PEX6: variants seen among roughly 807,000 people sequenced by gnomAD.
PEX6 encodes peroxisome biogenesis factor 6.
A neutral mutation model predicts 85.6 loss-of-function variants in PEX6; 55 were observed. That is an observed-to-expected ratio of 0.64 (90% confidence interval 0.52 to 0.80). PEX6 has a LOEUF of 0.80. Among genes scored for constraint, PEX6 ranks in the 30% least tolerant of loss-of-function variants. PEX6 has a pLI of 0.00. For synonymous variants in PEX6, 519 were observed against 549.1 expected, an observed-to-expected ratio of 0.95 and a Z score of 0.77; for missense variants, 1,099 against 1,260.3, an observed-to-expected ratio of 0.87 and a Z score of 1.94.
intron 6 of PEX6, 89 bp downstream of exon 6, chr6:42,968,785 G>A (rs1769943647): frequency 2.0e-6 from 2 of 992,886 alleles, no homozygotes; most frequent in Non-Finnish European, 3.2e-6. Flanking sequence ...TGAGTAGACA[G>A]AGGAGGGAGG....
At position 42,966,050 on chromosome 6, in the gene PEX6, G is replaced by A. The variant is rs267608239; in HGVS notation, c.2356C>T (p.Arg786Trp). The A allele has an allele frequency of 8.7e-6, 14 of 1,613,890 alleles. No individual in the cohort carries two copies. Among genetic ancestry groups the A allele is most frequent in the Non-Finnish European group, 1.2e-5 (14 of 1,179,998 alleles). ...MYVGQSEENV[R>W]EVFARARAAA... ...CCCCTCCCTGCTCACTCACCTTCCC[G>A]CACATTCTCCTCACTTTGGCCCACA... Residue 786 changes from arginine to tryptophan, a missense_variant, in exon 12 of 17, where the codon CGG becomes TGG. Physicochemically the swap from Arg to Trp is moderately radical, Grantham distance 101. Around this residue, in one of 3 missense-constraint regions of PEX6, gnomAD observed 514 missense variants for 627.0 expected, o/e 0.82. Transcript: ENST00000304611.
chr6:42,969,923 C>A lies in PEX6; in HGVS notation c.1195G>T (p.Ala399Ser). ...VGEAPDGPAS[A>S]YLADTTHTSL... ...GTATGGGTGGTGTCGGCCAAGTAGG[C>A]ACTGGCTGGTCCATCTGGAGCTTCC... Residue 399 changes from alanine to serine, a missense_variant, in exon 4 of 17, where the codon GCC becomes TCC. Ala to Ser is a moderately conservative substitution (Grantham distance 99). Coordinates refer to ENST00000304611, the MANE Select transcript of PEX6 (RefSeq NM_000287.4). 3 of 1,614,242 alleles carry A rather than the reference C, an allele frequency of 1.9e-6. No individual in the cohort carries two copies. Among genetic ancestry groups the A allele is most frequent in the Non-Finnish European group, 2.5e-6 (3 of 1,180,042 alleles).
Position 42,969,904 on chromosome 6 carries a change from G to A in PEX6, c.1214C>T (p.Thr405Ile). ...CCTCACCATGTACAAGGAGGTATGG[G>A]TGGTGTCGGCCAAGTAGGCACTGGC... ...GPASAYLADT[T>I]HTSLYMVGST... is the part of the protein sequence containing the mutation. Residue 405 changes from threonine to isoleucine, a missense_variant, in exon 4 of 17, where the codon ACC becomes ATC. Around this residue, in one of 3 missense-constraint regions of PEX6, gnomAD observed 579 missense variants for 611.6 expected, o/e 0.95. Transcript: ENST00000304611. The A allele has an allele frequency of 6.2e-7, 1 of 1,614,198 alleles. No individual in the cohort carries two copies. The highest frequency in any genetic ancestry group is 8.5e-7 in the Non-Finnish European group (1 of 1,180,024).
At chr6:42,973,716 C>A (rs111732099) in intron 3 of PEX6, among the ~76,000 whole-genome samples, 1 of 152,028 alleles carries the variant, frequency 6.6e-6, no homozygotes, top group Non-Finnish European at 1.5e-5. Context: ...AATAGCTGGG[C>A]GTGGTGATGC....
At position 42,974,996 on chromosome 6, in the gene PEX6, A is replaced by C. The variant is rs769009706; in HGVS notation, c.925T>G (p.Cys309Gly). 79 of 1,613,618 alleles carry C rather than the reference A, an allele frequency of 4.9e-5. No individual in the cohort carries two copies. The highest frequency in any genetic ancestry group is 6.6e-5 in the Non-Finnish European group (78 of 1,179,886). Residue 309 changes from cysteine to glycine, a missense_variant, in exon 2 of 17, where the codon TGC becomes GGC. This residue lies in a region of PEX6 where 579 missense variants were observed against 611.6 expected (regional missense o/e 0.95). Transcript: ENST00000304611. ...GSIAPEDKGSCSLLPGPPFAR... is the reference protein window; with the variant it reads ...GSIAPEDKGSGSLLPGPPFAR... The stretch of plus-strand genomic sequence containing the variant: ...AATGGAGGCCCAGGCAGCAATGAGC[A>C]GCTTCCTTTGTCTTCAGGGGCGATG...
intron 1 of PEX6, among the ~76,000 whole-genome samples, chr6:42,976,557 T>C (rs1027552678): frequency 1.3e-5 from 2 of 152,072 alleles, no homozygotes; most frequent in African/African-American, 4.8e-5. Flanking sequence ...GAGATGAGGT[T>C]TCACCATGTA....
chr6:42,968,301 G>T lies in PEX6; in HGVS notation c.1677C>A (p.Asp559Glu), dbSNP rs61732159. The T allele has an allele frequency of 1.8e-4, 286 of 1,613,308 alleles. 3 individuals are homozygous for T. In the African/African-American group the frequency reaches 3.6e-3, roughly 20 times the overall value. The change falls in exon 7 of 17, where the codon GAC becomes GAA. Residue 559 changes from aspartate to glutamate, a missense_variant. Physicochemically the swap from Asp to Glu is conservative, Grantham distance 45. Around this residue, in one of 3 missense-constraint regions of PEX6, gnomAD observed 514 missense variants for 627.0 expected, o/e 0.82. Coordinates refer to ENST00000304611, the MANE Select transcript of PEX6 (RefSeq NM_000287.4). The stretch of plus-strand genomic sequence containing the variant: ...CTCTGTATAAGTACCTGTTGAGGGG[G>T]TCCTCATTGAGGAGGAGGTGACGCA... The part of the protein sequence containing the change: ...AVLRHLLLNE[D>E]PLNSCPPLMV...
chr6:42,978,539 T>G lies in PEX6; in HGVS notation c.612A>C (p.Ser204=), dbSNP rs886043877. ...GGAGACAGCTCCGGCTCACCCCTAG[T>G]GAATCTCCAGTCCCTCCCAGAACTC... ...LQGVLGGTGD[S]LGVSRSCLRG... Residue 204 remains serine (S), a synonymous_variant, in exon 1 of 17, where the codon TCA becomes TCC. Transcript: ENST00000304611. 3.7e-6 allele frequency: 6 copies of G among 1,613,754 alleles called. No individual in the cohort carries two copies. The highest frequency in any genetic ancestry group is 3.4e-6 in the Non-Finnish European group (4 of 1,179,970).
rs1255968713 is a variant in PEX6, at chr6:42,965,204, GA to G, written c.2588+47del. 1 of 1,608,054 alleles carries G rather than the reference GA, an allele frequency of 6.2e-7. No homozygotes were observed. Among genetic ancestry groups the G allele is most frequent in the South Asian group, 1.1e-5 (1 of 90,952 alleles). ...TTCAGGGAGCCCAGCCATGAGGGGTGAAGGAGGCACAAAATGAGGGTGGAGA... is the reference window on the plus strand; with the variant it reads ...TTCAGGGAGCCCAGCCATGAGGGGTGAGGAGGCACAAAATGAGGGTGGAGA... On this transcript the variant is annotated intron_variant, in intron 14 of 16. Coordinates refer to ENST00000304611, the MANE Select transcript of PEX6 (RefSeq NM_000287.4). This position sits in a 1 kb window ranked among gnomAD's most constrained non-coding sequence, Gnocchi z 5.0.
chr6:42,972,973 A>G (rs1323009090), intron 3 of PEX6, among the ~76,000 whole-genome samples: 1 of 152,144 alleles, frequency 6.6e-6, no homozygotes, highest in Non-Finnish European at 1.5e-5. Flanking sequence ...GGTCTAGGCC[A>G]TTAAACTCTT....
chr6:42,975,160 AG>A (rs1770235813), intron 1 of PEX6, 122 bp from the exon 2 acceptor site: 3 of 869,538 alleles, frequency 3.5e-6, no homozygotes, highest in Non-Finnish European at 5.8e-6. Flanking sequence ...GGCTTGTGGA[AG>A]GTGGGGCCTG....
At position 42,964,103 on chromosome 6, in the gene PEX6, T is replaced by G. The variant is rs1440464195; in HGVS notation, c.*232A>C. ...GGCCCTGGCCCTCTTCCTGAGTAGATGGGCCTTTCTCTTAGAGCCGGCCTG... is the reference window on the plus strand; with the variant it reads ...GGCCCTGGCCCTCTTCCTGAGTAGAGGGGCCTTTCTCTTAGAGCCGGCCTG... On this transcript the variant is annotated 3_prime_UTR_variant, in exon 17 of 17. Transcript: ENST00000304611. The surrounding 1 kb of genome is among the most constrained non-coding windows in gnomAD (Gnocchi z 4.6). The G allele has an allele frequency of 1.7e-6, 1 of 597,538 alleles. No individual in the cohort carries two copies. Among genetic ancestry groups the G allele is most frequent in the Non-Finnish European group, 3.0e-6 (1 of 336,606 alleles). The allele number at this position is 597,538 out of a possible 1,614,324, so 37.0% of individuals were successfully genotyped here.
Position 42,978,607 on chromosome 6 carries a change from C to G in PEX6, c.544G>C (p.Val182Leu), listed in dbSNP as rs1280806460. The G allele has an allele frequency of 1.9e-6, 3 of 1,606,580 alleles. No individual in the cohort carries two copies. Among genetic ancestry groups the G allele is most frequent in the Non-Finnish European group, 2.5e-6 (3 of 1,178,614 alleles). Reference sequence around the variant, plus strand: ...GTGCCAGAAACCGCAAAGGAGGACACCACGGGCGGGGGTGGGGGCCGACTG... The same window carrying G: ...GTGCCAGAAACCGCAAAGGAGGACAGCACGGGCGGGGGTGGGGGCCGACTG... ...DSSRPPPPPV[V>L]SSFAVSGTVR... is the part of the protein sequence containing the mutation. The change falls in exon 1 of 17, where the codon GTG (valine) becomes CTG (leucine). Residue 182 changes from valine (V) to leucine (L), a missense_variant. Coordinates refer to ENST00000304611, the MANE Select transcript of PEX6 (RefSeq NM_000287.4).
chr6:42,968,258 C>T, intron 7 of PEX6, 32 bp downstream of exon 7: 1 of 1,597,486 alleles, frequency 6.3e-7, no homozygotes, highest in Admixed American at 1.7e-5. Context: ...CCGGCCCCCC[C>T]AGCTTTGAGA....
In PEX6 at chr6:42,969,848, CCCCTGCGCTGGTCTACA is replaced by C; in HGVS notation, c.1233+20_1233+36del. The C allele has an allele frequency of 6.2e-7, 1 of 1,614,086 alleles. No individual in the cohort carries two copies. The highest frequency in any genetic ancestry group is 8.5e-7 in the Non-Finnish European group (1 of 1,180,002). On this transcript the variant is annotated intron_variant, in intron 4 of 16. Coordinates refer to ENST00000304611, the MANE Select transcript of PEX6 (RefSeq NM_000287.4). ...TTTCGTTTCTAAAAATCGTTTCTAC[CCCCTGCGCTGGTCTACA>C]CCCATCCTTGGGGCCTCACCATGTA... is the stretch of plus-strand genomic sequence containing the variant.
rs372708422 is a variant in PEX6, at chr6:42,968,250, G to A, written c.1688+40C>T. 1.2e-3 allele frequency: 1,887 copies of A among 1,572,962 alleles called. 5 individuals carry two copies. Among genetic ancestry groups the A allele is most frequent in the Non-Finnish European group, 9.1e-4 (1,046 of 1,143,362 alleles). Reference sequence around the variant, plus strand: ...TAAGTGTGAGCCACCGCGCCCAGCCGGCCCCCCCAGCTTTGAGAGGCCCAG... The same window carrying A: ...TAAGTGTGAGCCACCGCGCCCAGCCAGCCCCCCCAGCTTTGAGAGGCCCAG... On this transcript the variant is annotated intron_variant, in intron 7 of 16. Coordinates refer to ENST00000304611, the MANE Select transcript of PEX6 (RefSeq NM_000287.4).
Position 42,975,712 on chromosome 6 carries a change from GTTTTTT to G in PEX6, c.883-680_883-675del, listed in dbSNP as rs1186126396. Among the ~76,000 whole-genome samples, 5 of 140,668 alleles carry G rather than the reference GTTTTTT, an allele frequency of 3.6e-5. No homozygotes were observed. The East Asian group carries it at 1.0e-3, about 29-fold the overall frequency. 92.3% of individuals were successfully genotyped at this position (140,668 alleles called of 152,430 possible). A position where few individuals can be genotyped will look rare whatever the true frequency, so the allele number is the denominator to read the frequency against. On this transcript the variant is annotated intron_variant, in intron 1 of 16. Coordinates refer to ENST00000304611, the MANE Select transcript of PEX6 (RefSeq NM_000287.4). ...TAAAGCAACTAAAAAACATGATTTAGTTTTTTTTTTTTTTTTGAGACTTAGTCTCAC... is the reference window on the plus strand; with the variant it reads ...TAAAGCAACTAAAAAACATGATTTAGTTTTTTTTTTGAGACTTAGTCTCAC...
In PEX6 at chr6:42,965,970, G is replaced by A; in HGVS notation, c.2362+74C>T. On this transcript the variant is annotated intron_variant, in intron 12 of 16. Transcript: ENST00000304611. This position sits in a 1 kb window ranked among gnomAD's most constrained non-coding sequence, Gnocchi z 5.0. The stretch of plus-strand genomic sequence containing the variant: ...GATTAGGAATGATCATGAGTAGCCT[G>A]GGAGTAGGGGGTGGCTTGGGGGCCA... 7 of 1,509,394 alleles carry A rather than the reference G, an allele frequency of 4.6e-6. No individual in the cohort carries two copies. The highest frequency in any genetic ancestry group is 5.5e-6 in the Non-Finnish European group (6 of 1,086,542). The allele number at this position is 1,509,394 out of a possible 1,614,324, so 93.5% of individuals were successfully genotyped here. A position where few individuals can be genotyped will look rare whatever the true frequency, so the allele number is the denominator to read the frequency against.
chr6:42,966,958 AG>A, intron 8 of PEX6, 100 bp from the exon 9 acceptor site: 2 of 699,200 alleles, frequency 2.9e-6, no homozygotes, highest in African/African-American at 2.0e-5. Context: ...TTGATGCCTT[AG>A]GTTTGTTGTT....
Sources: allele counts gnomAD v4.1 joint callset (sites outside exome capture counted in the v4.1 genomes callset), GRCh38; gene constraint gnomAD v4.1.1; regional missense constraint gnomAD v4.1.1; non-coding constraint Gnocchi (gnomAD v3.1); transcripts MANE v1.5; gene names NCBI Gene and HGNC (gene_info 2026-07-23, HGNC 2026-07-21).